The following BIN2 variants were observed in gnomAD, a reference collection of about 807,000 sequenced individuals.
BIN2 encodes the protein breast cancer associated protein BRAP1.
Under a neutral mutation model 67.9 loss-of-function variants are expected in BIN2, and 43 were observed. The observed-to-expected ratio is 0.63, with a 90% CI of 0.50 to 0.82. The LOEUF (loss-of-function observed/expected upper bound fraction) is 0.82, where lower values mean the gene tolerates loss of function less well. BIN2 is among the 40% of genes least tolerant of loss of function. BIN2 has a pLI of 0.00. For missense variants in BIN2, 581 were observed against 671.6 expected, an observed-to-expected ratio of 0.87 and a Z score of 1.49; for synonymous variants, 244 against 246.8, an observed-to-expected ratio of 0.99 and a Z score of 0.11.
intron 2 of BIN2, among the ~76,000 whole-genome samples, chr12:51,312,325 G>A (rs530112326): frequency 6.6e-6 from 1 of 152,242 alleles, no homozygotes; most frequent in African/African-American, 2.4e-5. Context: ...CCTTGGACTG[G>A]TGTCACCCTT....
At chr12:51,323,943 C>A in intron 1 of BIN2, 79 bp downstream of exon 1, 3 of 1,564,558 alleles carry the variant, frequency 1.9e-6, no homozygotes, top group East Asian at 4.7e-5. Flanking sequence ...GCACCCTGCC[C>A]GCCCCTCCTG....
chr12:51,289,662 T>G (rs1945332945), intron 10 of BIN2, among the ~76,000 whole-genome samples: 1 of 152,024 alleles, frequency 6.6e-6, no homozygotes, highest in African/African-American at 2.4e-5. Flanking sequence ...TACAGATCCT[T>G]CACAGAACTA....
At chr12:51,307,867 G>C (rs923190170) in intron 2 of BIN2, among the ~76,000 whole-genome samples, 1 of 152,132 alleles carries the variant, frequency 6.6e-6, no homozygotes, top group African/African-American at 2.4e-5. Context: ...TCACAGCCCA[G>C]AAAATGAATG....
At chr12:51,297,292 G>A (rs1217763925) in intron 7 of BIN2, 128 bp from the exon 8 acceptor site, 1 of 840,078 alleles carries the variant, frequency 1.2e-6, no homozygotes, top group Non-Finnish European at 1.9e-6. Context: ...CATCCCGCTG[G>A]GCACAGTGGC....
At position 51,302,687 on chromosome 12, in the gene BIN2, C is replaced by T; in HGVS notation, c.311G>A (p.Trp104Ter). The T allele has an allele frequency of 6.2e-7, 1 of 1,612,502 alleles. No homozygotes were observed. The highest frequency in any genetic ancestry group is 8.5e-7 in the Non-Finnish European group (1 of 1,178,668). Residue 104 changes from tryptophan (W) to a stop codon, truncating the protein, a stop_gained and splice_region_variant, in exon 4 of 13, where the codon TGG (tryptophan) becomes TAG (stop). Coordinates refer to ENST00000615107, the MANE Select transcript of BIN2 (RefSeq NM_016293.4). LOFTEE classifies it high-confidence loss of function. ...DGHEELKAIV[W>*]NNDLLWEDYE... Reference sequence around the variant, plus strand: ...TTGTAAAACTCAAGCCACTCTTACCCATACGATGGCCTTCAGCTCCTCATG... The same window carrying T: ...TTGTAAAACTCAAGCCACTCTTACCTATACGATGGCCTTCAGCTCCTCATG...
At chr12:51,297,370 C>T (rs1043255015) in intron 7 of BIN2, 5 of 413,322 alleles carry the variant, frequency 1.2e-5, no homozygotes, top group Non-Finnish European at 1.8e-5. Context: ...AGATCAAGAC[C>T]ATCCTGGCTA....
chr12:51,303,709 G>A (rs986541552), intron 2 of BIN2, among the ~76,000 whole-genome samples: 1 of 152,100 alleles, frequency 6.6e-6, no homozygotes, highest in Non-Finnish European at 1.5e-5. Context: ...TTGCTCCTGT[G>A]TCTGAAATCT....
At chr12:51,297,463 A>C (rs1386579473) in intron 7 of BIN2, 1 of 206,676 alleles carries the variant, frequency 4.8e-6, no homozygotes, top group Non-Finnish European at 9.7e-6. Flanking sequence ...GCTACTCAGG[A>C]GGCTGAGGCA....
intron 12 of BIN2, among the ~76,000 whole-genome samples, chr12:51,283,578 G>A (rs1026945873): frequency 2.6e-5 from 4 of 152,110 alleles, no homozygotes; most frequent in African/African-American, 9.7e-5. Context: ...CTCCTGCATC[G>A]CTGGAACTAC....
chr12:51,282,748 T>G (rs1945144660), intron 12 of BIN2, among the ~76,000 whole-genome samples: 1 of 151,800 alleles, frequency 6.6e-6, no homozygotes, highest in Non-Finnish European at 1.5e-5. Flanking sequence ...GGATTACGGG[T>G]GCGTGCCACC....
At chr12:51,324,543 T>C (rs1031992554), upstream of BIN2, 1 of 1,529,250 alleles carries the variant, frequency 6.5e-7, no homozygotes, top group Non-Finnish European at 8.7e-7. Flanking sequence ...GTTCTCTGAG[T>C]ATGCATGCGA....
At chr12:51,288,258 T>G in intron 10 of BIN2, 70 bp from the exon 11 acceptor site, 1 of 1,300,620 alleles carries the variant, frequency 7.7e-7, no homozygotes, top group Non-Finnish European at 1.1e-6. Flanking sequence ...CCTGTGCCCT[T>G]GGTCCATATT....
rs748279114 is a variant in BIN2 at position 51,292,151 on chromosome 12, C to T, written c.955G>A (p.Glu319Lys). 5.6e-6 allele frequency: 9 copies of T among 1,613,916 alleles called. No individual in the cohort carries two copies. In the South Asian group the frequency reaches 7.7e-5, roughly 14 times the overall value. The change falls in exon 10 of 13, where the codon GAG (glutamate) becomes AAG (lysine). Residue 319 changes from glutamate to lysine, a missense_variant. Glu to Lys is a moderately conservative substitution (Grantham distance 56). Transcript: ENST00000615107. ...TCAGATCCTTCCTTCTCTATTTCCT[C>T]CTCTTCTAAGAGCTCCTTGATCTCA... Reference protein sequence around the residue: ...NSEIKELLEEEEIEKEGSEAS... With the variant: ...NSEIKELLEEKEIEKEGSEAS...
At chr12:51,319,628 A>G (rs533333655) in intron 1 of BIN2, among the ~76,000 whole-genome samples, 5 of 152,358 alleles carry the variant, frequency 3.3e-5, no homozygotes, top group African/African-American at 1.2e-4. Flanking sequence ...TTAAGGAGAA[A>G]GAGCAAGAGC....
chr12:51,302,333 C>G, intron 4 of BIN2: 1 of 550,530 alleles, frequency 1.8e-6, no homozygotes, highest in Non-Finnish European at 3.2e-6. Flanking sequence ...AGATTAAGAA[C>G]AGGGCACAAG....
chr12:51,323,378 C>T (rs904711368), intron 1 of BIN2: 1 of 150,022 alleles, frequency 6.7e-6, no homozygotes, highest in Non-Finnish European at 1.5e-5. Context: ...GCAGGGCTAC[C>T]TGACACTAAC....
chr12:51,320,877 CACAA>C (rs1371105277), intron 1 of BIN2, among the ~76,000 whole-genome samples: 1 of 149,948 alleles, frequency 6.7e-6, no homozygotes, highest in Non-Finnish European at 1.5e-5. Context: ...ACAGAGAAAT[CACAA>C]ACAGATGGTG....
Position 51,287,123 on chromosome 12 carries a change from C to G in BIN2, c.1596+985G>C, listed in dbSNP as rs138846071. Among the ~76,000 whole-genome samples, 459 of 151,216 alleles carry G rather than the reference C, an allele frequency of 3.0e-3. 1 individual carries two copies. The highest frequency in any genetic ancestry group is 0.011 in the African/African-American group (449 of 41,190). ...ACAGCCACCTTGGGAGGTTGAGGCA[C>G]TGCACCCAAATCTTTTTATTAAATT... is the stretch of plus-strand genomic sequence containing the variant. On this transcript the variant is annotated intron_variant, in intron 11 of 12. Transcript: ENST00000615107.
Position 51,292,339 on chromosome 12 carries a change from C to T in BIN2, c.767G>A (p.Ser256Asn), listed in dbSNP as rs575023408. Residue 256 changes from serine to asparagine, a missense_variant, in exon 10 of 13, where the codon AGC (serine) becomes AAC (asparagine). Physicochemically the swap from Ser to Asn is conservative, Grantham distance 46 (BLOSUM62 1). Coordinates refer to ENST00000615107, the MANE Select transcript of BIN2 (RefSeq NM_016293.4). ...VFVVKGLSSS[S>N]RRSLVISPPV... Reference sequence around the variant, plus strand: ...GGGAGAAATGACTAAAGAGCGCCTGCTGCTGCTAAAAAAGGAAGGTGTTCA... The same window carrying T: ...GGGAGAAATGACTAAAGAGCGCCTGTTGCTGCTAAAAAAGGAAGGTGTTCA... 6.4e-7 allele frequency: 1 copy of T among 1,564,830 alleles called. No homozygotes were observed. The highest frequency in any genetic ancestry group is 1.8e-5 in the Admixed American group (1 of 54,068).
Sources: gnomAD v4.1 joint callset for allele counts (sites outside exome capture counted in the v4.1 genomes callset) on GRCh38, gnomAD v4.1.1 for gene constraint, MANE v1.5 for transcripts, NCBI Gene and HGNC (gene_info 2026-07-23, HGNC 2026-07-21) for gene names.